DRICH1: variants seen among roughly 807,000 people sequenced by gnomAD.
DRICH1 encodes aspartate-rich protein 1.
DRICH1 carries 38 observed loss-of-function variants against 39.5 expected under a neutral mutation model. The observed-to-expected ratio is 0.96, with a 90% CI of 0.74 to 1.26. The LOEUF (loss-of-function observed/expected upper bound fraction) is 1.26. Ranked by LOEUF, DRICH1 falls within the 50% of genes most tolerant of loss-of-function variation. The pLI is 0.00. For missense variants in DRICH1, 279 were observed against 270.4 expected, an observed-to-expected ratio of 1.03 and a Z score of -0.22; for synonymous variants, 84 against 99.5, an observed-to-expected ratio of 0.84 and a Z score of 0.93.
At chr22:23,593,494 T>G in the DRICH1 span, among the ~76,000 whole-genome samples, 1 of 151,970 alleles carries the variant, frequency 6.6e-6, no homozygotes, top group African/African-American at 2.4e-5. Flanking sequence ...GTGAAATCCC[T>G]TCTCTACTAA....
At chr22:23,602,893 AT>A in the DRICH1 span, among the ~76,000 whole-genome samples, 1 of 150,068 alleles carries the variant, frequency 6.7e-6, no homozygotes, top group Non-Finnish European at 1.5e-5. Context: ...TCAAAAACAT[AT>A]TTATCTTAAG....
At chr22:23,591,441 G>A in the DRICH1 span, among the ~76,000 whole-genome samples, 1 of 152,056 alleles carries the variant, frequency 6.6e-6, no homozygotes, top group Non-Finnish European at 1.5e-5. Flanking sequence ...TTTCTCCACC[G>A]ACTACAAGGA....
At chr22:23,598,230 C>T in the DRICH1 span, among the ~76,000 whole-genome samples, 10,693 of 146,864 alleles carry the variant, frequency 0.073, 9 homozygotes, top group African/African-American at 0.16. Flanking sequence ...GACCCAGCTT[C>T]TCCTTGACCA....
intron 8 of DRICH1, among the ~76,000 whole-genome samples, chr22:23,615,509 A>G (rs1388677934): frequency 6.6e-6 from 1 of 152,236 alleles, no homozygotes; most frequent in Admixed American, 6.5e-5. Flanking sequence ...TCGGAAGTAA[A>G]GAAGGTACAA....
At position 23,622,116 on chromosome 22, in the gene DRICH1, T is replaced by C. The variant is rs1459557694; in HGVS notation, c.359A>G (p.Asp120Gly). 1 of 1,580,362 alleles carries C rather than the reference T, an allele frequency of 6.3e-7. No individual in the cohort carries two copies. Among genetic ancestry groups the C allele is most frequent in the Non-Finnish European group, 8.7e-7 (1 of 1,152,268 alleles). The change falls in exon 4 of 12, where the codon GAT (aspartate) becomes GGT (glycine). Residue 120 changes from aspartate to glycine, a missense_variant. Coordinates refer to ENST00000317749, the MANE Select transcript of DRICH1 (RefSeq NM_016449.4). ...CLPRSEDDDC[D>G]DDDDDDAQIL... ...CTGGGCATCATCATCATCATCATCA[T>C]CACAGTCATCATCTTCACTTCGTGG...
the DRICH1 span, among the ~76,000 whole-genome samples, chr22:23,587,205 A>T: frequency 6.6e-6 from 1 of 152,106 alleles, no homozygotes; most frequent in African/African-American, 2.4e-5. Flanking sequence ...CCATGCTTCC[A>T]GGGTACATGT....
chr22:23,624,645 G>C (rs1392939172), intron 3 of DRICH1, among the ~76,000 whole-genome samples: 3 of 152,136 alleles, frequency 2.0e-5, no homozygotes, highest in Non-Finnish European at 2.9e-5. Context: ...ATAAGTCAGT[G>C]AGAGGTGCAC....
chr22:23,627,038 T>C (rs549657433), intron 1 of DRICH1, among the ~76,000 whole-genome samples: 2 of 151,868 alleles, frequency 1.3e-5, no homozygotes, highest in East Asian at 1.9e-4. Flanking sequence ...TGATGGGCCA[T>C]TGCACGGTGG....
At chr22:23,624,364 G>A (rs775221326) in intron 3 of DRICH1, 21 of 982,834 alleles carry the variant, frequency 2.1e-5, no homozygotes, top group Non-Finnish European at 2.5e-5. Context: ...AAAAACACAG[G>A]ATACTCAATA....
At chr22:23,630,257 G>A (rs915974796) in intron 1 of DRICH1, among the ~76,000 whole-genome samples, 37 of 152,182 alleles carry the variant, frequency 2.4e-4, no homozygotes, top group African/African-American at 8.0e-4. Flanking sequence ...CCAGGGGCAC[G>A]CATAGGTGCT....
chr22:23,613,897 C>CTGTT (rs1569088295), intron 9 of DRICH1, among the ~76,000 whole-genome samples: 3 of 152,138 alleles, frequency 2.0e-5, no homozygotes, highest in Non-Finnish European at 2.9e-5. Context: ...AGGTGGAAAA[C>CTGTT]TGTTGTTGTG....
intron 8 of DRICH1, 53 bp from the exon 9 acceptor site, chr22:23,614,267 C>T: frequency 3.0e-6 from 4 of 1,312,982 alleles, no homozygotes; most frequent in Non-Finnish European, 4.4e-6. Context: ...GACTCTGAGT[C>T]ACTCGGGGAG....
chr22:23,593,373 G>C, the DRICH1 span, among the ~76,000 whole-genome samples: 1 of 152,160 alleles, frequency 6.6e-6, no homozygotes, highest in Admixed American at 6.5e-5. Flanking sequence ...AAACAGAAAA[G>C]AGCAAACAGG....
At chr22:23,607,753 A>G (rs1050076945), downstream of DRICH1, among the ~76,000 whole-genome samples, 4 of 152,094 alleles carry the variant, frequency 2.6e-5, no homozygotes, top group Non-Finnish European at 4.4e-5. Context: ...CCAGGAGAGA[A>G]CTTTCTCTCT....
At chr22:23,611,809 C>T (rs182801215) in intron 11 of DRICH1, among the ~76,000 whole-genome samples, 4 of 152,272 alleles carry the variant, frequency 2.6e-5, no homozygotes, top group African/African-American at 9.6e-5. Flanking sequence ...ACTTACGTGT[C>T]TGTGGTGAGG....
chr22:23,607,378 A>G (rs1926787044), downstream of DRICH1, among the ~76,000 whole-genome samples: 1 of 152,188 alleles, frequency 6.6e-6, no homozygotes, highest in Non-Finnish European at 1.5e-5. Flanking sequence ...ATAGGATCAC[A>G]GTCTACATCC....
At chr22:23,607,568 C>A (rs372018568), downstream of DRICH1, among the ~76,000 whole-genome samples, 1 of 151,948 alleles carries the variant, frequency 6.6e-6, no homozygotes, top group Non-Finnish European at 1.5e-5. Flanking sequence ...TCCCTAAGTC[C>A]AGGTTTCTCT....
the DRICH1 span, among the ~76,000 whole-genome samples, chr22:23,581,825 C>T: frequency 3.3e-5 from 5 of 151,678 alleles, no homozygotes; most frequent in East Asian, 3.9e-4. Context: ...AGGCTGGTCT[C>T]GATCTCCTAA....
chr22:23,589,481 C>A, the DRICH1 span, among the ~76,000 whole-genome samples: 1 of 127,224 alleles, frequency 7.9e-6, no homozygotes, highest in Non-Finnish European at 1.7e-5. Flanking sequence ...TACATATGTA[C>A]ATATATATAT....
Sources: allele counts gnomAD v4.1 joint callset (sites outside exome capture counted in the v4.1 genomes callset), GRCh38; gene constraint gnomAD v4.1.1; transcripts MANE v1.5; gene names NCBI Gene and HGNC (gene_info 2026-07-23, HGNC 2026-07-21).